CDC14A: variants seen among roughly 807,000 people sequenced by gnomAD.
CDC14A encodes the protein cell division cycle 14A.
CDC14A carries 53 observed loss-of-function variants against 74.4 expected under a neutral mutation model. The ratio of observed to expected loss-of-function variants is 0.71; its 90% CI spans 0.57 to 0.89. CDC14A has a LOEUF of 0.89. Among genes scored for constraint, CDC14A ranks in the 40% least tolerant of loss-of-function variants. The probability of loss-of-function intolerance (pLI) is 0.00; values close to 1 mark genes in which losing one functional copy is unlikely to be tolerated. For synonymous variants in CDC14A, 247 were observed against 258.4 expected (o/e 0.96, Z 0.43); for missense variants, 646 against 713.7 (o/e 0.91, Z 1.08).
intron 2 of CDC14A, among the ~76,000 whole-genome samples, chr1:100,371,618 T>A (rs1300889020): frequency 1.3e-5 from 2 of 152,228 alleles, no homozygotes; most frequent in Admixed American, 6.5e-5. Context: ...TTGCATATGC[T>A]GACCCAACCT....
Position 100,462,868 on chromosome 1 carries a change from C to A in CDC14A, c.825C>A (p.Ala275=). 6.2e-7 allele frequency: 1 copy of A among 1,613,488 alleles called. No individual in the cohort carries two copies. Among genetic ancestry groups the A allele is most frequent in the Non-Finnish European group, 8.5e-7 (1 of 1,179,702 alleles). Residue 275 remains alanine (A), a synonymous_variant, in exon 9 of 16, where the codon GCC becomes GCA. Transcript: ENST00000336454. ...GTGAGAACACCGAAGGGGCCATCGC[C>A]GTTCACTGCAAAGGTGTGTGCAAGG... The part of the protein sequence containing the change: ...NICENTEGAI[A]VHCKAGLGRT...
chr1:100,515,206 A>G (rs1160358418), intron 15 of CDC14A, among the ~76,000 whole-genome samples: 1 of 152,170 alleles, frequency 6.6e-6, no homozygotes, highest in Non-Finnish European at 1.5e-5. Flanking sequence ...TGACCCAGAG[A>G]GACCGTCAGC....
intron 6 of CDC14A, 93 bp from the exon 7 acceptor site, chr1:100,442,841 A>C (rs762579199): frequency 1.1e-5 from 9 of 836,064 alleles, no homozygotes; most frequent in African/African-American, 1.7e-5. Context: ...TCTTCAGATT[A>C]GTGAGGATCA....
chr1:100,452,821 G>A (rs1175259361), intron 7 of CDC14A, among the ~76,000 whole-genome samples: 2 of 152,168 alleles, frequency 1.3e-5, no homozygotes, highest in African/African-American at 2.4e-5. Context: ...TTTACAAAAT[G>A]TGGTAGGGTT....
chr1:100,394,111 C>T (rs76252095), intron 4 of CDC14A: 1,387 of 101,928 alleles, frequency 0.014, 23 homozygotes, highest in African/African-American at 0.13. Flanking sequence ...TCTTTCCTTA[C>T]TTATTTATTT....
intron 4 of CDC14A, chr1:100,393,830 C>T: frequency 3.9e-6 from 1 of 258,680 alleles, no homozygotes; most frequent in South Asian, 4.2e-5. Context: ...GTAGTCCCAG[C>T]TACTCGGGAG....
At chr1:100,491,561 TATATATA>T (rs1343601214) in intron 11 of CDC14A, among the ~76,000 whole-genome samples, 14 of 82,664 alleles carry the variant, frequency 1.7e-4, no homozygotes, top group African/African-American at 7.4e-4. Context: ...TATATATATA[TATATATA>T]TATATTTTTT....
intron 6 of CDC14A, among the ~76,000 whole-genome samples, chr1:100,441,769 G>A (rs1489890116): frequency 6.6e-6 from 1 of 151,816 alleles, no homozygotes; most frequent in African/African-American, 2.4e-5. Context: ...GGGAAGCTAT[G>A]CTGAAAATGG....
intron 4 of CDC14A, among the ~76,000 whole-genome samples, chr1:100,399,280 T>C (rs1658942634): frequency 1.3e-5 from 2 of 152,210 alleles, no homozygotes; most frequent in Non-Finnish European, 2.9e-5. Flanking sequence ...TACCATTGTT[T>C]AACATTTTAG....
chr1:100,358,426 G>T (rs1389146514), intron 2 of CDC14A, among the ~76,000 whole-genome samples: 2 of 152,208 alleles, frequency 1.3e-5, no homozygotes, highest in Admixed American at 1.3e-4. Context: ...TCATGGCATA[G>T]AAAGCCAGTT....
intron 8 of CDC14A, among the ~76,000 whole-genome samples, chr1:100,456,562 T>C (rs1181588995): frequency 1.3e-5 from 2 of 152,018 alleles, no homozygotes; most frequent in Non-Finnish European, 2.9e-5. Context: ...CCCAGCACTT[T>C]GGAAGGCTGA....
intron 2 of CDC14A, among the ~76,000 whole-genome samples, chr1:100,356,449 C>T (rs2100880676): frequency 6.6e-6 from 1 of 151,966 alleles, no homozygotes; most frequent in Non-Finnish European, 1.5e-5. Context: ...AGTAGCAGAG[C>T]TGGAGTTTGA....
intron 9 of CDC14A, 33 bp from the exon 10 acceptor site, chr1:100,467,923 T>C: frequency 6.5e-7 from 1 of 1,548,494 alleles, no homozygotes; most frequent in Non-Finnish European, 8.7e-7. Flanking sequence ...TTGCTAGACT[T>C]TATATTTCTT....
intron 8 of CDC14A, among the ~76,000 whole-genome samples, chr1:100,461,227 G>A (rs1206541120): frequency 6.6e-6 from 1 of 152,192 alleles, no homozygotes; most frequent in Non-Finnish European, 1.5e-5. Flanking sequence ...CTCCTCCTCA[G>A]GTTGAGGTTT....
rs1557784155 is a variant in CDC14A at position 100,461,123 on chromosome 1, G to GGGGACAAAA, written c.608-1517_608-1509dup. ...AAACAGCTAGTACCTTTAAGGCTGG[G>GGGGACAAAA]GGGACAAAAGGGACAAAAGTGGAGT... On this transcript the variant is annotated intron_variant, in intron 8 of 15. Coordinates refer to ENST00000336454, the MANE Select transcript of CDC14A (RefSeq NM_003672.4). Among the ~76,000 whole-genome samples the GGGGACAAAA allele has an allele frequency of 4.6e-5, 7 of 152,324 alleles. No homozygotes were observed. The South Asian group carries it at 1.5e-3, about 32-fold the overall frequency.
At chr1:100,364,397 A>G (rs895541624) in intron 2 of CDC14A, among the ~76,000 whole-genome samples, 13 of 151,644 alleles carry the variant, frequency 8.6e-5, no homozygotes, top group Non-Finnish European at 1.6e-4. Flanking sequence ...TTTTTTTAAT[A>G]GAGACAGGGT....
intron 11 of CDC14A, among the ~76,000 whole-genome samples, chr1:100,488,602 C>T (rs886233699): frequency 6.6e-6 from 1 of 152,144 alleles, no homozygotes; most frequent in Non-Finnish European, 1.5e-5. Context: ...GGGCTATAGT[C>T]CAATATTAGC....
At chr1:100,417,664 T>G (rs1315845334) in intron 4 of CDC14A, among the ~76,000 whole-genome samples, 1 of 152,244 alleles carries the variant, frequency 6.6e-6, no homozygotes, top group Non-Finnish European at 1.5e-5. Flanking sequence ...CATTGGTGAA[T>G]TGACTCTATT....
chr1:100,459,126 C>CACACAG (rs1279905046), intron 8 of CDC14A, among the ~76,000 whole-genome samples: 3 of 144,576 alleles, frequency 2.1e-5, no homozygotes, highest in Non-Finnish European at 3.1e-5. Flanking sequence ...CACACACACA[C>CACACAG]AGAGAGAGAG....
Sources: allele counts gnomAD v4.1 joint callset (sites outside exome capture counted in the v4.1 genomes callset), GRCh38; gene constraint gnomAD v4.1.1; transcripts MANE v1.5; gene names NCBI Gene and HGNC (gene_info 2026-07-23, HGNC 2026-07-21).